The following CA5A variants were observed in gnomAD, a reference collection of about 807,000 sequenced individuals.
CA5A encodes carbonic anhydrase 5A.
CA5A carries 28 observed loss-of-function variants against 37.1 expected under a neutral mutation model. The ratio of observed to expected loss-of-function variants is 0.75; its 90% confidence interval spans 0.56 to 1.03. CA5A has a LOEUF of 1.03. Ranked by LOEUF, CA5A falls within the 50% of genes least tolerant of loss-of-function variation. The pLI, the probability that CA5A is intolerant of heterozygous loss-of-function variation, is 0.00. For missense variants in CA5A, 444 were observed against 399.9 expected, an observed-to-expected ratio of 1.11 and a Z score of -0.94; for synonymous variants, 171 against 158.4, an observed-to-expected ratio of 1.08 and a Z score of -0.60.
At chr16:87,885,515 A>G (rs911680580), downstream of CA5A, 1 of 152,462 alleles carries the variant, frequency 6.6e-6, no homozygotes, top group African/African-American at 2.4e-5. Flanking sequence ...AGGAATGACC[A>G]CTTTGGAAAA....
At chr16:87,895,145 G>C (rs149323301) in intron 5 of CA5A, among the ~76,000 whole-genome samples, 9 of 152,216 alleles carry the variant, frequency 5.9e-5, no homozygotes, top group African/African-American at 2.2e-4. Context: ...AGGTAGTTGG[G>C]AGGCTGAGGT....
intron 2 of CA5A, among the ~76,000 whole-genome samples, chr16:87,916,588 T>A (rs1597572788): frequency 6.6e-6 from 1 of 152,334 alleles, no homozygotes; most frequent in South Asian, 2.1e-4. Flanking sequence ...CAAAACCATC[T>A]TCTTTCTTAT....
At chr16:87,912,868 C>T (rs1488497654) in intron 2 of CA5A, among the ~76,000 whole-genome samples, 2 of 152,164 alleles carry the variant, frequency 1.3e-5, no homozygotes, top group East Asian at 1.9e-4. Flanking sequence ...ACGGAACAGG[C>T]GGAAGCACCA....
At chr16:87,921,998 G>A (rs1190832128) in intron 2 of CA5A, among the ~76,000 whole-genome samples, 1 of 152,104 alleles carries the variant, frequency 6.6e-6, no homozygotes, top group Non-Finnish European at 1.5e-5. Context: ...CTCCCGAGTA[G>A]CTGGGACCAC....
At chr16:87,932,714 G>T (rs1338679327) in intron 1 of CA5A, among the ~76,000 whole-genome samples, 1 of 151,960 alleles carries the variant, frequency 6.6e-6, no homozygotes, top group Non-Finnish European at 1.5e-5. Context: ...CCTGCCCCAG[G>T]AGGCCAGTAT....
At chr16:87,927,502 C>G (rs1431570663) in intron 1 of CA5A, among the ~76,000 whole-genome samples, 1 of 152,190 alleles carries the variant, frequency 6.6e-6, no homozygotes. Flanking sequence ...GCCCCTCTAC[C>G]TACTTCCTCG....
chr16:87,888,252 G>A lies in CA5A; in HGVS notation c.795C>T (p.Leu265=), dbSNP rs770364743. ...APSQLSAFRT[L]LFSALGEEEK... ...CCTCTTCACCAAGTGCAGAAAACAGGAGAGTACGAAATGCAGAGAGCTGGA... is the reference window on the plus strand; with the variant it reads ...CCTCTTCACCAAGTGCAGAAAACAGAAGAGTACGAAATGCAGAGAGCTGGA... The change falls in exon 7 of 7, where the codon CTC becomes CTT. Residue 265 remains leucine (L), a synonymous_variant. Transcript: ENST00000649794. The A allele has an allele frequency of 1.2e-6, 2 of 1,613,732 alleles. No individual in the cohort carries two copies. The highest frequency in any genetic ancestry group is 2.2e-5 in the East Asian group (1 of 44,878).
At chr16:87,925,851 A>T (rs548436243) in intron 2 of CA5A, among the ~76,000 whole-genome samples, 13 of 151,606 alleles carry the variant, frequency 8.6e-5, no homozygotes, top group Admixed American at 8.5e-4. Flanking sequence ...ATCTCCCCGG[A>T]CTGCCTCCTA....
intron 1 of CA5A, among the ~76,000 whole-genome samples, chr16:87,934,432 G>C (rs2144109658): frequency 6.6e-6 from 1 of 152,356 alleles, no homozygotes; most frequent in East Asian, 1.9e-4. Context: ...GCCGGATGTG[G>C]TGGCGCATGC....
intron 5 of CA5A, among the ~76,000 whole-genome samples, chr16:87,899,707 G>A (rs1183642655): frequency 6.7e-6 from 1 of 150,320 alleles, no homozygotes; most frequent in Non-Finnish European, 1.5e-5. Context: ...ATCACTTGAG[G>A]TCAGGAGTTT....
rs1377073292 is a variant in CA5A, at chr16:87,911,784, A to C, written c.341-6880T>G. Among the ~76,000 whole-genome samples, 1 of 152,194 alleles carries C rather than the reference A, an allele frequency of 6.6e-6. No homozygotes were observed. Among genetic ancestry groups the C allele is most frequent in the African/African-American group, 2.4e-5 (1 of 41,454 alleles). ...GAAAGCCAGGCAAATGTGGGCTCCA[A>C]TCCTGGCTTCACACGGTGGGGCTTT... On this transcript the variant is annotated intron_variant, in intron 2 of 6. Coordinates refer to ENST00000649794, the MANE Select transcript of CA5A (RefSeq NM_001739.2). This position sits in a 1 kb window ranked among gnomAD's most constrained non-coding sequence, Gnocchi z 4.6.
chr16:87,924,749 C>T (rs1412277040), intron 2 of CA5A, among the ~76,000 whole-genome samples: 1 of 152,252 alleles, frequency 6.6e-6, no homozygotes, highest in Non-Finnish European at 1.5e-5. Flanking sequence ...TCCGCATGCA[C>T]AGCGAGAGGG....
intron 2 of CA5A, among the ~76,000 whole-genome samples, chr16:87,919,651 G>A (rs555028968): frequency 9.2e-5 from 14 of 152,278 alleles, no homozygotes; most frequent in Admixed American, 3.3e-4. Context: ...GATCGGAGCC[G>A]GCAAATCTCC....
At chr16:87,893,208 G>A (rs34012467) in intron 5 of CA5A, 3 of 418,614 alleles carry the variant, frequency 7.2e-6, no homozygotes, top group Non-Finnish European at 8.6e-6. Context: ...GCTCACTGCA[G>A]CCTCTGCTTC....
intron 1 of CA5A, among the ~76,000 whole-genome samples, chr16:87,935,474 G>C (rs1168445895): frequency 6.6e-6 from 1 of 152,224 alleles, no homozygotes; most frequent in Non-Finnish European, 1.5e-5. Flanking sequence ...AGTCGTGCCA[G>C]TGTGTCCCGT....
In CA5A at chr16:87,911,655, G is replaced by C. The variant is rs1324554680; in HGVS notation, c.341-6751C>G. Among the ~76,000 whole-genome samples the C allele has an allele frequency of 1.3e-5, 2 of 152,152 alleles. No individual in the cohort carries two copies. The highest frequency in any genetic ancestry group is 2.9e-5 in the Non-Finnish European group (2 of 68,030). The stretch of plus-strand genomic sequence containing the variant: ...GTGCCACCTCCCCAGGCAGGCAGGG[G>C]CCGCAGCCACTGCAAGCCCCTGCCC... On this transcript the variant is annotated intron_variant, in intron 2 of 6. Coordinates refer to ENST00000649794, the MANE Select transcript of CA5A (RefSeq NM_001739.2). This position sits in a 1 kb window ranked among gnomAD's most constrained non-coding sequence, Gnocchi z 4.6.
downstream of CA5A, chr16:87,887,680 T>C: frequency 6.4e-6 from 1 of 157,408 alleles, no homozygotes; most frequent in Non-Finnish European, 1.4e-5. Context: ...CCCAAAGTGC[T>C]GGGATTAAAG....
intron 1 of CA5A, among the ~76,000 whole-genome samples, chr16:87,927,920 AC>A (rs1196669749): frequency 3.3e-5 from 5 of 151,282 alleles, no homozygotes; most frequent in African/African-American, 1.2e-4. Context: ...CCATGATTGC[AC>A]CCCCTGGTGT....
At chr16:87,922,536 T>A (rs1800882936) in intron 2 of CA5A, among the ~76,000 whole-genome samples, 1 of 152,228 alleles carries the variant, frequency 6.6e-6, no homozygotes, top group Non-Finnish European at 1.5e-5. Flanking sequence ...ACTGCAGGGA[T>A]GTCCCTGCTC....
Sources: allele counts gnomAD v4.1 joint callset (sites outside exome capture counted in the v4.1 genomes callset), GRCh38; gene constraint gnomAD v4.1.1; non-coding constraint Gnocchi (gnomAD v3.1); transcripts MANE v1.5; gene names NCBI Gene and HGNC (gene_info 2026-07-23, HGNC 2026-07-21).